CDS2: variants seen among roughly 807,000 people sequenced by gnomAD.
CDS2 encodes the protein CDP-diacylglycerol synthase 2, also known as phosphatidate cytidylyltransferase 2.
A neutral mutation model predicts 59.0 loss-of-function variants in CDS2; 47 were observed. The observed-to-expected ratio is 0.80, with a 90% CI of 0.63 to 1.02. The LOEUF (loss-of-function observed/expected upper bound fraction) is 1.02. CDS2 is among the 50% of genes least tolerant of loss of function. The probability of loss-of-function intolerance (pLI) is 0.00; values close to 1 mark genes in which losing one functional copy is unlikely to be tolerated. For synonymous variants in CDS2, 207 were observed against 206.4 expected (o/e 1.00, Z -0.02); for missense variants, 356 against 558.9 (o/e 0.64, Z 3.66).
At chr20:5,132,208 C>T (rs988808993) in intron 1 of CDS2, among the ~76,000 whole-genome samples, 3 of 151,978 alleles carry the variant, frequency 2.0e-5, no homozygotes, top group African/African-American at 7.3e-5. Flanking sequence ...AGTGATTCTC[C>T]CATCTCAGCC....
At chr20:5,139,575 C>G (rs67401581) in intron 1 of CDS2, among the ~76,000 whole-genome samples, 18,620 of 152,074 alleles carry the variant, frequency 0.12, 1,326 homozygotes, top group Middle Eastern at 0.23. Context: ...ATTTCCCTGG[C>G]TATGATTTCC....
intron 10 of CDS2, chr20:5,187,093 T>TG: frequency 1.2e-5 from 2 of 167,814 alleles, no homozygotes; most frequent in Non-Finnish European, 2.4e-5. Flanking sequence ...TCCTTTTAGT[T>TG]GCGGGGGTAG....
chr20:5,134,762 C>T (rs1401266259), intron 1 of CDS2, among the ~76,000 whole-genome samples: 1 of 152,162 alleles, frequency 6.6e-6, no homozygotes. Context: ...TTCAGGTGAT[C>T]TGCCTGCCTT....
At chr20:5,154,687 A>T (rs1006460132) in intron 1 of CDS2, among the ~76,000 whole-genome samples, 67 of 152,278 alleles carry the variant, frequency 4.4e-4, no homozygotes, top group African/African-American at 1.6e-3. Context: ...TTAGTCTGTC[A>T]CCCAGGTGGG....
At chr20:5,156,723 G>A (rs1356418836) in intron 1 of CDS2, among the ~76,000 whole-genome samples, 1 of 152,196 alleles carries the variant, frequency 6.6e-6, no homozygotes, top group South Asian at 2.1e-4. Context: ...TAATCCAGGG[G>A]CTCAAATGTC....
chr20:5,141,743 G>GT (rs925743753), intron 1 of CDS2, among the ~76,000 whole-genome samples: 1 of 152,148 alleles, frequency 6.6e-6, no homozygotes, highest in African/African-American at 2.4e-5. Context: ...TCAACCTGTG[G>GT]TTTCTGAAGC....
chr20:5,185,305 G>T (rs1435829230), intron 8 of CDS2, among the ~76,000 whole-genome samples: 1 of 151,992 alleles, frequency 6.6e-6, no homozygotes, highest in Admixed American at 6.6e-5. Flanking sequence ...TGCACCTGTA[G>T]TCCCAGCTCC....
At position 5,173,688 on chromosome 20, in the gene CDS2, G is replaced by T. The variant is rs140697558; in HGVS notation, c.194+29G>T. On this transcript the variant is annotated intron_variant, in intron 2 of 12. Transcript: ENST00000460006. ...ACCTGGCTTAATGATGCAGGTGCTT[G>T]TTGGGGGCTTTGCACCATGTCCAAG... 7.4e-6 allele frequency: 12 copies of T among 1,613,104 alleles called. No individual in the cohort carries two copies. The South Asian group carries it at 8.8e-5, about 12-fold the overall frequency.
chr20:5,189,985 C>T, intron 12 of CDS2, 117 bp from the exon 13 acceptor site: 1 of 1,430,012 alleles, frequency 7.0e-7, no homozygotes, highest in South Asian at 1.3e-5. Flanking sequence ...CTGAGGCCTC[C>T]TGTCATCTGT....
intron 1 of CDS2, among the ~76,000 whole-genome samples, chr20:5,167,744 C>G (rs996336276): frequency 2.2e-4 from 33 of 152,176 alleles, no homozygotes; most frequent in African/African-American, 6.3e-4. Flanking sequence ...AGGGCTTGAT[C>G]TAGAAGATGG....
chr20:5,167,935 C>T (rs6085019), intron 1 of CDS2, among the ~76,000 whole-genome samples: 46,336 of 152,108 alleles, frequency 0.3, 7,559 homozygotes, highest in South Asian at 0.38. Context: ...GCATAACCCA[C>T]CAGTGCCTTG....
At chr20:5,183,263 T>C (rs1226049619) in intron 7 of CDS2, 120 bp downstream of exon 7, 27 of 769,096 alleles carry the variant, frequency 3.5e-5, no homozygotes, top group Non-Finnish European at 5.7e-5. Context: ...CAGGGTTCAT[T>C]ATAGCACAGA....
chr20:5,156,116 G>T (rs923594282), intron 1 of CDS2, among the ~76,000 whole-genome samples: 12 of 152,182 alleles, frequency 7.9e-5, no homozygotes, highest in African/African-American at 2.7e-4. Flanking sequence ...GGAGGAATTT[G>T]TGGAGATGCC....
chr20:5,161,709 C>G (rs1286549647), intron 1 of CDS2, among the ~76,000 whole-genome samples: 3 of 152,182 alleles, frequency 2.0e-5, no homozygotes, highest in Non-Finnish European at 4.4e-5. Context: ...GGACATAAAA[C>G]CAGTTTCTCC....
chr20:5,145,432 T>G (rs1378459557), intron 1 of CDS2, among the ~76,000 whole-genome samples: 1 of 152,102 alleles, frequency 6.6e-6, no homozygotes, highest in African/African-American at 2.4e-5. Context: ...TTTGCATAGT[T>G]GTTTCAGTGT....
intron 1 of CDS2, among the ~76,000 whole-genome samples, chr20:5,140,604 A>T (rs748336076): frequency 1.3e-5 from 2 of 152,230 alleles, no homozygotes; most frequent in African/African-American, 2.4e-5. Context: ...CCGAGGCATT[A>T]TCATTTCTTT....
chr20:5,141,084 C>T (rs1447886851), intron 1 of CDS2, among the ~76,000 whole-genome samples: 1 of 152,228 alleles, frequency 6.6e-6, no homozygotes. Flanking sequence ...TCCCCTTTCT[C>T]CTGCTCCTTT....
Position 5,186,753 on chromosome 20 carries a change from A to C in CDS2, c.895A>C (p.Ser299Arg). The C allele has an allele frequency of 6.2e-7, 1 of 1,614,102 alleles. No individual in the cohort carries two copies. The highest frequency in any genetic ancestry group is 1.1e-5 in the South Asian group (1 of 91,074). Residue 299 changes from serine (S) to arginine (R), a missense_variant, in exon 10 of 13, where the codon AGC becomes CGC. Coordinates refer to ENST00000460006, the MANE Select transcript of CDS2 (RefSeq NM_003818.4). ...TGTGGAGTACAACAATGACACCAAC[A>C]GCTTCACTGTGGACTGTGAGCCCTC... The part of the protein sequence containing the change: ...CPVEYNNDTN[S>R]FTVDCEPSDL...
intron 1 of CDS2, among the ~76,000 whole-genome samples, chr20:5,156,791 G>A (rs2090836832): frequency 6.6e-6 from 1 of 152,102 alleles, no homozygotes; most frequent in Non-Finnish European, 1.5e-5. Flanking sequence ...TTCATTTTTG[G>A]GTTTTAAATG....
Sources: gnomAD v4.1 joint callset for allele counts (sites outside exome capture counted in the v4.1 genomes callset) on GRCh38, gnomAD v4.1.1 for gene constraint, MANE v1.5 for transcripts, NCBI Gene and HGNC (gene_info 2026-07-23, HGNC 2026-07-21) for gene names.